The following WWOX variants were observed in gnomAD, a reference collection of about 807,000 sequenced individuals.
The protein encoded by WWOX is WW domain-containing oxidoreductase.
WWOX carries 69 observed loss-of-function variants against 46.2 expected under a neutral mutation model. The ratio of observed to expected loss-of-function variants is 1.49; its 90% CI spans 1.23 to 1.82. The LOEUF is 1.82. WWOX is among the 40% of genes most tolerant of loss of function. The probability of loss-of-function intolerance (pLI) is 0.00; values close to 1 mark genes in which losing one functional copy is unlikely to be tolerated. For synonymous variants in WWOX, 359 were observed against 202.6 expected, an observed-to-expected ratio of 1.77 and a Z score of -6.56; for missense variants, 919 against 542.6, an observed-to-expected ratio of 1.69 and a Z score of -6.89.
At chr16:78,531,998 G>C (rs138282017) in intron 8 of WWOX, among the ~76,000 whole-genome samples, 1 of 151,836 alleles carries the variant, frequency 6.6e-6, no homozygotes, top group Non-Finnish European at 1.5e-5. Context: ...TAAGTTTTGG[G>C]TTGGGCGGGA....
At chr16:78,752,890 T>C (rs1277848964) in intron 8 of WWOX, among the ~76,000 whole-genome samples, 1 of 152,190 alleles carries the variant, frequency 6.6e-6, no homozygotes, top group Non-Finnish European at 1.5e-5. Flanking sequence ...CCTGGTCCCA[T>C]CTTGGCTGGG....
rs115200366 is a variant in WWOX, at chr16:78,502,423, A to C, written c.1056+69671A>C. Reference sequence around the variant, plus strand: ...TTACCTATTCTGCGTACCTCATATAAATAGAGTGATATGTTAGTCGTCTCT... The same window carrying C: ...TTACCTATTCTGCGTACCTCATATACATAGAGTGATATGTTAGTCGTCTCT... On this transcript the variant is annotated intron_variant, in intron 8 of 8. Coordinates refer to ENST00000566780, the MANE Select transcript of WWOX (RefSeq NM_016373.4). Among the ~76,000 whole-genome samples the C allele has an allele frequency of 5.1e-3, 783 of 152,252 alleles. 4 individuals are homozygous for C. The highest frequency in any genetic ancestry group is 0.018 in the African/African-American group (737 of 41,530).
chr16:79,028,532 C>T (rs2047691029), intron 8 of WWOX, among the ~76,000 whole-genome samples: 2 of 151,652 alleles, frequency 1.3e-5, no homozygotes, highest in South Asian at 4.1e-4. Flanking sequence ...CTCTCCCTCC[C>T]TCCCATCCTT....
intron 8 of WWOX, among the ~76,000 whole-genome samples, chr16:78,955,360 T>G (rs998626411): frequency 6.6e-6 from 1 of 151,984 alleles, no homozygotes; most frequent in Non-Finnish European, 1.5e-5. Flanking sequence ...AGGAGATGAG[T>G]CAGGTGTGCC....
intron 8 of WWOX, among the ~76,000 whole-genome samples, chr16:78,930,967 C>A (rs1053098103): frequency 6.6e-6 from 1 of 152,178 alleles, no homozygotes; most frequent in Admixed American, 6.5e-5. Flanking sequence ...GGACATGTCA[C>A]TAGCAGCCTC....
intron 8 of WWOX, among the ~76,000 whole-genome samples, chr16:79,122,746 A>C (rs1208325883): frequency 6.6e-6 from 1 of 152,186 alleles, no homozygotes. Flanking sequence ...GAATGGTGAA[A>C]GGCCCAGATT....
intron 8 of WWOX, among the ~76,000 whole-genome samples, chr16:78,434,721 C>A (rs369459464): frequency 6.6e-6 from 1 of 152,034 alleles, no homozygotes; most frequent in African/African-American, 2.4e-5. Context: ...ATCAGAGGAA[C>A]GGGATGGGAA....
intron 8 of WWOX, among the ~76,000 whole-genome samples, chr16:79,046,631 G>C (rs1255159711): frequency 2.0e-5 from 3 of 152,124 alleles, no homozygotes; most frequent in Admixed American, 1.3e-4. Flanking sequence ...AAAGCTTTCT[G>C]TCTCACCAGG....
chr16:78,627,258 G>C (rs995658356), intron 8 of WWOX, among the ~76,000 whole-genome samples: 2 of 152,110 alleles, frequency 1.3e-5, no homozygotes, highest in Non-Finnish European at 2.9e-5. Context: ...ACCTCCCCAG[G>C]GGATAGCCCT....
intron 8 of WWOX, among the ~76,000 whole-genome samples, chr16:78,783,258 C>T (rs2050374084): frequency 6.6e-6 from 1 of 152,192 alleles, no homozygotes. Context: ...TAGATTTCAA[C>T]AGGCTCCTGT....
intron 5 of WWOX, 33 bp downstream of exon 5, chr16:78,164,322 T>C (rs2034900856): frequency 6.3e-7 from 1 of 1,588,724 alleles, no homozygotes; most frequent in Admixed American, 1.7e-5. Context: ...TTTTTTTAAT[T>C]GTCAAATACA....
intron 8 of WWOX, among the ~76,000 whole-genome samples, chr16:78,597,046 A>G (rs2045507793): frequency 6.6e-6 from 1 of 152,006 alleles, no homozygotes; most frequent in African/African-American, 2.4e-5. Context: ...CTGCTCCCCT[A>G]CCCTCTTCTG....
intron 8 of WWOX, among the ~76,000 whole-genome samples, chr16:78,656,143 T>A (rs2047075590): frequency 6.6e-6 from 1 of 152,144 alleles, no homozygotes; most frequent in African/African-American, 2.4e-5. Context: ...GGATGAAAGT[T>A]ATGCTCTGTT....
intron 8 of WWOX, among the ~76,000 whole-genome samples, chr16:78,480,533 G>C (rs1265597208): frequency 2.0e-5 from 3 of 152,226 alleles, no homozygotes; most frequent in Non-Finnish European, 4.4e-5. Context: ...AAAGAGATGT[G>C]CTAAGAAAAG....
intron 8 of WWOX, among the ~76,000 whole-genome samples, chr16:78,653,531 C>T (rs1366274927): frequency 3.9e-5 from 6 of 152,200 alleles, no homozygotes; most frequent in Non-Finnish European, 7.3e-5. Flanking sequence ...AGGTTTCCTA[C>T]TCCTAAAAGA....
At chr16:79,103,218 T>C (rs1010450725) in intron 8 of WWOX, among the ~76,000 whole-genome samples, 2 of 152,230 alleles carry the variant, frequency 1.3e-5, no homozygotes, top group African/African-American at 2.4e-5. Flanking sequence ...GACTGCAGTG[T>C]TGCCGAAGCA....
chr16:78,680,102 G>A (rs745373543), intron 8 of WWOX, among the ~76,000 whole-genome samples: 1 of 152,202 alleles, frequency 6.6e-6, no homozygotes. Flanking sequence ...GGCTTAGAGT[G>A]AAGTTTAAAT....
intron 8 of WWOX, among the ~76,000 whole-genome samples, chr16:78,794,000 C>T (rs34691110): frequency 0.019 from 2,875 of 152,146 alleles, 47 homozygotes; most frequent in Middle Eastern, 0.034. Flanking sequence ...TTCTTAGTAA[C>T]ACAGGCTTTG....
At chr16:78,906,670 C>T (rs2044973686) in intron 8 of WWOX, among the ~76,000 whole-genome samples, 1 of 152,168 alleles carries the variant, frequency 6.6e-6, no homozygotes, top group Non-Finnish European at 1.5e-5. Context: ...TGAAAGTTTG[C>T]ATTTTGTTGT....
Sources: allele counts gnomAD v4.1 joint callset (sites outside exome capture counted in the v4.1 genomes callset), GRCh38; gene constraint gnomAD v4.1.1; transcripts MANE v1.5; gene names NCBI Gene and HGNC (gene_info 2026-07-23, HGNC 2026-07-21).